L3HYPDH: variants seen among roughly 807,000 people sequenced by gnomAD.
The protein encoded by L3HYPDH is trans-L-3-hydroxyproline dehydratase, also known as trans-3-hydroxy-L-proline dehydratase.
A neutral mutation model predicts 26.5 loss-of-function variants in L3HYPDH; 32 were observed. The ratio of observed to expected loss-of-function variants is 1.21; its 90% confidence interval spans 0.91 to 1.62. The LOEUF (loss-of-function observed/expected upper bound fraction) is 1.62, where lower values mean the gene tolerates loss of function less well. Among genes scored for constraint, L3HYPDH ranks in the 40% most tolerant of loss-of-function variants. L3HYPDH has a pLI of 0.00. For missense variants in L3HYPDH, 554 were observed against 476.4 expected (o/e 1.16, Z -1.52); for synonymous variants, 215 against 196.6 (o/e 1.09, Z -0.78).
At chr14:59,500,577 A>G in the L3HYPDH span, among the ~76,000 whole-genome samples, 1 of 152,216 alleles carries the variant, frequency 6.6e-6, no homozygotes, top group Non-Finnish European at 1.5e-5. Context: ...TTATTGCTAA[A>G]TGACCTTTTC....
chr14:59,484,346 C>G lies in L3HYPDH; in HGVS notation c.-30G>C. 6.4e-7 allele frequency: 1 copy of G among 1,555,126 alleles called. No individual in the cohort carries two copies. The highest frequency in any genetic ancestry group is 1.2e-5 in the South Asian group (1 of 84,706). ...TGCGTCGGGGGAGACGAGTACGGTC[C>G]CGCAGCTATGGCTTCAAGCCCGACC... On this transcript the variant is annotated 5_prime_UTR_variant, in exon 1 of 5. Transcript: ENST00000247194.
chr14:59,497,049 A>G, the L3HYPDH span, among the ~76,000 whole-genome samples: 1 of 150,520 alleles, frequency 6.6e-6, no homozygotes, highest in East Asian at 1.9e-4. Context: ...CACAGTTACC[A>G]GAAACCTTTG....
At chr14:59,495,198 C>G in the L3HYPDH span, 2 of 1,612,604 alleles carry the variant, frequency 1.2e-6, no homozygotes, top group Non-Finnish European at 1.7e-6. Context: ...CCACAGTACA[C>G]TGTACTCATG....
upstream of L3HYPDH, among the ~76,000 whole-genome samples, chr14:59,485,302 A>G (rs1890453851): frequency 6.6e-6 from 1 of 152,162 alleles, no homozygotes; most frequent in Non-Finnish European, 1.5e-5. Flanking sequence ...ATTCATTTTC[A>G]TGTATTAATT....
the L3HYPDH span, chr14:59,498,722 T>A: frequency 7.2e-7 from 1 of 1,396,348 alleles, no homozygotes; most frequent in Non-Finnish European, 9.8e-7. Flanking sequence ...TATTTTATTT[T>A]ACAGATATAC....
the L3HYPDH span, among the ~76,000 whole-genome samples, chr14:59,497,580 G>A: frequency 1.3e-5 from 2 of 152,088 alleles, no homozygotes; most frequent in African/African-American, 4.8e-5. Context: ...ACAAGACTAG[G>A]AAACTAATTC....
At chr14:59,479,015 C>A in intron 2 of L3HYPDH, 167 bp downstream of exon 2, 1 of 519,738 alleles carries the variant, frequency 1.9e-6, no homozygotes, top group East Asian at 3.4e-5. Flanking sequence ...GCTCACAGGC[C>A]ACGGGTGGGA....
At chr14:59,501,436 C>T in the L3HYPDH span, among the ~76,000 whole-genome samples, 51 of 152,266 alleles carry the variant, frequency 3.3e-4, no homozygotes, top group African/African-American at 9.6e-4. Flanking sequence ...AAGTTGTGTA[C>T]TGGACTATAT....
the L3HYPDH span, chr14:59,501,202 C>T: frequency 6.3e-7 from 1 of 1,592,262 alleles, no homozygotes; most frequent in Non-Finnish European, 8.6e-7. Context: ...TTACGCCTTC[C>T]CATACATTAT....
At chr14:59,502,773 T>TTTTTTTTTTTTTTTTTTTTG in the L3HYPDH span, among the ~76,000 whole-genome samples, 39 of 102,848 alleles carry the variant, frequency 3.8e-4, no homozygotes, top group South Asian at 6.6e-4. Flanking sequence ...TTTTTTTTTT[T>TTTTTTTTTTTTTTTTTTTTG]CGGAGTCTCA....
At position 59,476,008 on chromosome 14, in the gene L3HYPDH, T is replaced by A. The variant is rs1889598636; in HGVS notation, c.802-2A>T. 2 of 1,613,774 alleles carry A rather than the reference T, an allele frequency of 1.2e-6. No homozygotes were observed. The highest frequency in any genetic ancestry group is 2.7e-5 in the African/African-American group (2 of 74,922). On this transcript the variant is annotated splice_acceptor_variant, in intron 3 of 4. Transcript: ENST00000247194. LOFTEE classifies it high-confidence loss of function. ...TGAGCCAGTGGGACTTCTGTCAACC[T>A]GTTTCAGAATAAATGAAGACAGAAT...
chr14:59,484,595 T>C, upstream of L3HYPDH: 1 of 1,578,700 alleles, frequency 6.3e-7, no homozygotes, highest in Non-Finnish European at 8.6e-7. Flanking sequence ...GGCCCATGGG[T>C]GAGTGGTCGC....
rs752608026 is a variant in L3HYPDH at position 59,484,249 on chromosome 14, A to C, written c.68T>G (p.Val23Gly). ...GGGCTCGCCGCCCGTGTGCATGTCC[A>C]CCACCGACAGCACCGGCGTCCCTGG... ...HDPGTPVLSV[V>G]DMHTGGEPLR... Residue 23 changes from valine (V) to glycine (G), a missense_variant, in exon 1 of 5, where the codon GTG (valine) becomes GGG (glycine). Val to Gly is a moderately radical substitution (Grantham distance 109). Transcript: ENST00000247194. The C allele has an allele frequency of 6.9e-6, 11 of 1,597,942 alleles. No homozygotes were observed. The highest frequency in any genetic ancestry group is 8.5e-6 in the Non-Finnish European group (10 of 1,179,616).
At chr14:59,499,338 GAAAT>G in the L3HYPDH span, among the ~76,000 whole-genome samples, 1 of 152,152 alleles carries the variant, frequency 6.6e-6, no homozygotes, top group Non-Finnish European at 1.5e-5. Flanking sequence ...TATGTAATAA[GAAAT>G]AAAAACTGGT....
downstream of L3HYPDH, among the ~76,000 whole-genome samples, chr14:59,469,398 C>G (rs1272764363): frequency 6.6e-6 from 1 of 151,456 alleles, no homozygotes; most frequent in Non-Finnish European, 1.5e-5. Flanking sequence ...ACTAAAAATA[C>G]AAAAAAATTA....
chr14:59,466,720 G>A (rs1263073448), intron 1 of L3HYPDH, among the ~76,000 whole-genome samples: 3 of 152,308 alleles, frequency 2.0e-5, no homozygotes, highest in Admixed American at 2.0e-4. Flanking sequence ...AGTATAAATA[G>A]AAGAACGTTT....
At chr14:59,499,198 AT>A in the L3HYPDH span, among the ~76,000 whole-genome samples, 4 of 147,940 alleles carry the variant, frequency 2.7e-5, no homozygotes, top group Non-Finnish European at 3.0e-5. Flanking sequence ...TAATTTTTGT[AT>A]TTTTTTTTAG....
chr14:59,484,357 G>C lies in L3HYPDH; in HGVS notation c.-41C>G, dbSNP rs754171708. Reference sequence around the variant, plus strand: ...AGACGAGTACGGTCCCGCAGCTATGGCTTCAAGCCCGACCCTCACCCACTG... The same window carrying C: ...AGACGAGTACGGTCCCGCAGCTATGCCTTCAAGCCCGACCCTCACCCACTG... On this transcript the variant is annotated 5_prime_UTR_variant, in exon 1 of 5. Coordinates refer to ENST00000247194, the MANE Select transcript of L3HYPDH (RefSeq NM_144581.2). 1 of 1,538,624 alleles carries C rather than the reference G, an allele frequency of 6.5e-7. No homozygotes were observed. Among genetic ancestry groups the C allele is most frequent in the East Asian group, 2.3e-5 (1 of 44,302 alleles).
chr14:59,498,469 A>C, the L3HYPDH span, among the ~76,000 whole-genome samples: 2 of 152,084 alleles, frequency 1.3e-5, no homozygotes. Context: ...CTACAGGTAA[A>C]ATTGCTGAAT....
Sources: gnomAD v4.1 joint callset for allele counts (sites outside exome capture counted in the v4.1 genomes callset) on GRCh38, gnomAD v4.1.1 for gene constraint, MANE v1.5 for transcripts, NCBI Gene and HGNC (gene_info 2026-07-23, HGNC 2026-07-21) for gene names.